The following CREB5 variants were observed in gnomAD, a reference collection of about 807,000 sequenced individuals.
CREB5 encodes cAMP responsive element binding protein 5, also known as cyclic AMP-responsive element-binding protein 5.
In CREB5, 19 loss-of-function variants were observed where a neutral mutation model predicts 57.1. The ratio of observed to expected loss-of-function variants is 0.33; its 90% CI spans 0.23 to 0.49. The LOEUF is 0.49. Among genes scored for constraint, CREB5 ranks in the 20% least tolerant of loss-of-function variants. The pLI is 0.99. For missense variants in CREB5, 579 were observed against 671.6 expected (o/e 0.86, Z 1.52); for synonymous variants, 238 against 238.3 (o/e 1.00, Z 0.01).
intron 2 of CREB5, 31 bp downstream of exon 2, chr7:28,488,277 T>G (rs1373368790): frequency 1.9e-6 from 3 of 1,594,092 alleles, no homozygotes; most frequent in African/African-American, 1.3e-5. Flanking sequence ...TGCTCTGACA[T>G]GCAGGGCCTG....
At chr7:28,450,277 G>A (rs1239068129) in intron 1 of CREB5, among the ~76,000 whole-genome samples, 1 of 152,134 alleles carries the variant, frequency 6.6e-6, no homozygotes, top group Non-Finnish European at 1.5e-5. Flanking sequence ...CTTATAATAT[G>A]CCTAGCTGAG....
rs1785154512 is a variant in CREB5, at chr7:28,304,696, A to C, written c.-25+5255A>C. On this transcript the variant is annotated intron_variant, in intron 1 of 9. Transcript: ENST00000396299. ...TCCAATAATTGTGGACTAGTAGATA[A>C]ATTATAGTACAGTATACACACACCA... Among the ~76,000 whole-genome samples, 3 of 152,226 alleles carry C rather than the reference A, an allele frequency of 2.0e-5. No homozygotes were observed. In the South Asian group the frequency reaches 6.2e-4, roughly 32 times the overall value.
intron 8 of CREB5, among the ~76,000 whole-genome samples, chr7:28,808,551 GTT>G (rs755153408): frequency 2.0e-5 from 3 of 151,862 alleles, no homozygotes; most frequent in Non-Finnish European, 4.4e-5. Flanking sequence ...TTTTGTTTTT[GTT>G]TTAGAGACAA....
chr7:28,632,765 CA>C (rs1197438669), intron 5 of CREB5, among the ~76,000 whole-genome samples: 1 of 152,166 alleles, frequency 6.6e-6, no homozygotes, highest in Non-Finnish European at 1.5e-5. Context: ...CCCCTGATCT[CA>C]GTCACCCTCC....
chr7:28,683,969 A>T (rs1053032511), intron 5 of CREB5, among the ~76,000 whole-genome samples: 1 of 152,148 alleles, frequency 6.6e-6, no homozygotes, highest in East Asian at 1.9e-4. Flanking sequence ...TAAATAAAAC[A>T]TTTAAATAAG....
intron 1 of CREB5, among the ~76,000 whole-genome samples, chr7:28,319,816 A>G (rs986275098): frequency 1.3e-5 from 2 of 152,204 alleles, no homozygotes; most frequent in Non-Finnish European, 2.9e-5. Context: ...TCTAGGTGGC[A>G]GGAGGCTGGG....
intron 3 of CREB5, among the ~76,000 whole-genome samples, chr7:28,500,564 C>G (rs1439656385): frequency 6.6e-6 from 1 of 152,228 alleles, no homozygotes; most frequent in Admixed American, 6.5e-5. Flanking sequence ...GGGCCCATCT[C>G]TAGTTCCAGG....
At chr7:28,532,734 G>A (rs1793783545) in intron 4 of CREB5, among the ~76,000 whole-genome samples, 1 of 152,192 alleles carries the variant, frequency 6.6e-6, no homozygotes, top group Non-Finnish European at 1.5e-5. Context: ...TGATCAGCAG[G>A]ATAACATAGT....
intron 7 of CREB5, among the ~76,000 whole-genome samples, chr7:28,747,778 G>A (rs914392132): frequency 5.3e-5 from 8 of 152,158 alleles, no homozygotes; most frequent in Admixed American, 6.5e-5. Flanking sequence ...TACCTAACAC[G>A]AAGATCAAAG....
chr7:28,632,584 A>G (rs765968122), intron 5 of CREB5, among the ~76,000 whole-genome samples: 35 of 152,240 alleles, frequency 2.3e-4, no homozygotes, highest in African/African-American at 4.6e-4. Flanking sequence ...GAATGTAAAG[A>G]AAACATGTAA....
chr7:28,673,865 G>A (rs761086249), intron 5 of CREB5, among the ~76,000 whole-genome samples: 3 of 151,430 alleles, frequency 2.0e-5, no homozygotes, highest in Admixed American at 2.0e-4. Flanking sequence ...GTAGAGACGG[G>A]GTCTCATCAT....
At chr7:28,632,306 T>C (rs1418678401) in intron 5 of CREB5, among the ~76,000 whole-genome samples, 1 of 152,200 alleles carries the variant, frequency 6.6e-6, no homozygotes. Context: ...CTCTACCTCC[T>C]GTCCTTGCAG....
At chr7:28,809,860 C>A (rs1445048499) in intron 9 of CREB5, among the ~76,000 whole-genome samples, 1 of 152,198 alleles carries the variant, frequency 6.6e-6, no homozygotes, top group East Asian at 1.9e-4. Context: ...AAACCTTCAG[C>A]TGAAAAGGAG....
intron 1 of CREB5, among the ~76,000 whole-genome samples, chr7:28,309,281 A>G (rs951825508): frequency 1.6e-4 from 24 of 152,110 alleles, no homozygotes; most frequent in African/African-American, 5.6e-4. Context: ...TGACTAATAC[A>G]CCCCTGTATC....
At chr7:28,446,608 C>T (rs556606942) in intron 1 of CREB5, among the ~76,000 whole-genome samples, 4 of 152,170 alleles carry the variant, frequency 2.6e-5, no homozygotes, top group Admixed American at 1.3e-4. Context: ...CTAGCTAACA[C>T]GGTGAAATCC....
At position 28,780,984 on chromosome 7, in the gene CREB5, T is replaced by C. The variant is rs184516775; in HGVS notation, c.703-23215T>C. On this transcript the variant is annotated intron_variant, in intron 7 of 10. Transcript: ENST00000357727. ...GCATATTAAATTGGAACTTGAGGAA[T>C]AGAATTGTGTTATTTCTGTAACTTT... Among the ~76,000 whole-genome samples the C allele has an allele frequency of 8.5e-5, 13 of 152,374 alleles. No individual in the cohort carries two copies. In the East Asian group the frequency reaches 1.2e-3, roughly 14 times the overall value.
intron 5 of CREB5, among the ~76,000 whole-genome samples, chr7:28,699,706 T>C (rs1423866333): frequency 1.3e-5 from 2 of 152,184 alleles, no homozygotes; most frequent in East Asian, 3.8e-4. Context: ...AAAAGGCTTT[T>C]TAGAAACAGA....
intron 5 of CREB5, among the ~76,000 whole-genome samples, chr7:28,663,667 T>A (rs10258528): frequency 0.34 from 51,710 of 152,146 alleles, 9,176 homozygotes; most frequent in Middle Eastern, 0.47. Context: ...TGGTGATCTC[T>A]TTTCTTTACA....
intron 5 of CREB5, among the ~76,000 whole-genome samples, chr7:28,628,831 G>C (rs982615632): frequency 7.2e-5 from 11 of 152,186 alleles, no homozygotes; most frequent in African/African-American, 2.4e-4. Context: ...GAAGAAGAAA[G>C]AACAGTCTTG....
Sources: allele counts gnomAD v4.1 joint callset (sites outside exome capture counted in the v4.1 genomes callset), GRCh38; gene constraint gnomAD v4.1.1; transcripts MANE v1.5; gene names NCBI Gene and HGNC (gene_info 2026-07-23, HGNC 2026-07-21).